RALGAPA2: variants seen among roughly 807,000 people sequenced by gnomAD.
RALGAPA2 encodes the protein Ral GTPase activating protein catalytic subunit alpha 2.
Under a neutral mutation model 230.4 loss-of-function variants are expected in RALGAPA2, and 139 were observed. The ratio of observed to expected loss-of-function variants is 0.60; its 90% CI spans 0.53 to 0.69. The LOEUF (loss-of-function observed/expected upper bound fraction) is 0.69. Ranked by LOEUF, RALGAPA2 falls within the 30% of genes least tolerant of loss-of-function variation. The pLI, the probability that RALGAPA2 is intolerant of heterozygous loss-of-function variation, is 0.00. For synonymous variants in RALGAPA2, 847 were observed against 837.8 expected (o/e 1.01, Z -0.19); for missense variants, 2,163 against 2,276.0 (o/e 0.95, Z 1.01).
intron 7 of RALGAPA2, 25 bp from the exon 8 acceptor site, chr20:20,637,526 C>A: frequency 6.6e-7 from 1 of 1,526,034 alleles, no homozygotes; most frequent in Non-Finnish European, 8.8e-7. Context: ...TGGAAAAGAA[C>A]ATATGTATAT....
Position 20,526,245 on chromosome 20 carries a change from G to T in RALGAPA2, c.3693+7C>A. The stretch of plus-strand genomic sequence containing the variant: ...TATGTTTTAGTATTACAGAAAAAAA[G>T]ACTTACTTCTGCCATTTTCCGAGGC... On this transcript the variant is annotated splice_region_variant and intron_variant, in intron 28 of 39. Coordinates refer to ENST00000202677, the MANE Select transcript of RALGAPA2 (RefSeq NM_020343.4). 1 of 1,543,802 alleles carries T rather than the reference G, an allele frequency of 6.5e-7. No individual in the cohort carries two copies.
chr20:20,513,301 A>G lies in RALGAPA2; in HGVS notation c.4085-17T>C. The G allele has an allele frequency of 7.0e-7, 1 of 1,433,712 alleles. No individual in the cohort carries two copies. Among genetic ancestry groups the G allele is most frequent in the South Asian group, 1.8e-5 (1 of 54,336 alleles). The allele number at this position is 1,433,712 out of a possible 1,614,324, so 88.8% of individuals were successfully genotyped here. A position where few individuals can be genotyped will look rare whatever the true frequency, so the allele number is the denominator to read the frequency against. On this transcript the variant is annotated splice_polypyrimidine_tract_variant and intron_variant, in intron 31 of 39. Coordinates refer to ENST00000202677, the MANE Select transcript of RALGAPA2 (RefSeq NM_020343.4). ...TCTTCTTCTCTGTAAACAGCGGTAA[A>G]GAAACATAAAGAGTCAGTGGTGAAT...
Position 20,392,624 on chromosome 20 carries a change from C to T in RALGAPA2, c.*665G>A, listed in dbSNP as rs530274419. ...GGAGAGCCTCTGCTTAGTTAGCGGG[C>T]GTCAGGTACCATGTGGGAAAACACT... On this transcript the variant is annotated 3_prime_UTR_variant, in exon 40 of 40. Coordinates refer to ENST00000202677, the MANE Select transcript of RALGAPA2 (RefSeq NM_020343.4). The T allele has an allele frequency of 8.8e-5, 14 of 159,778 alleles. No homozygotes were observed. The South Asian group carries it at 1.2e-3, about 14-fold the overall frequency. 9.9% of individuals were successfully genotyped at this position (159,778 alleles called of 1,614,324 possible).
chr20:20,582,013 C>T (rs2064999455), intron 20 of RALGAPA2, among the ~76,000 whole-genome samples: 1 of 152,176 alleles, frequency 6.6e-6, no homozygotes, highest in South Asian at 2.1e-4. Flanking sequence ...CTTTCCCGCA[C>T]TGATTCCTCA....
chr20:20,478,422 T>A (rs2123446736), intron 36 of RALGAPA2, among the ~76,000 whole-genome samples: 1 of 151,810 alleles, frequency 6.6e-6, no homozygotes, highest in Admixed American at 6.6e-5. Context: ...ATAAAAGTCA[T>A]CATTTAAAAA....
chr20:20,702,022 A>T, intron 1 of RALGAPA2, among the ~76,000 whole-genome samples: 1 of 150,712 alleles, frequency 6.6e-6, no homozygotes, highest in African/African-American at 2.5e-5. Context: ...CCTGGGCGAC[A>T]GAGCAAGACT....
chr20:20,452,172 A>G (rs2061002063), intron 37 of RALGAPA2, among the ~76,000 whole-genome samples: 1 of 152,224 alleles, frequency 6.6e-6, no homozygotes, highest in Admixed American at 6.5e-5. Context: ...TATAGAGAGG[A>G]AATAAACTTA....
chr20:20,702,841 A>AT (rs1229539631), intron 1 of RALGAPA2, among the ~76,000 whole-genome samples: 4 of 152,118 alleles, frequency 2.6e-5, no homozygotes, highest in Admixed American at 1.3e-4. Context: ...ATCAAAAGGG[A>AT]TTTTTTTAAC....
chr20:20,479,636 GT>G (rs1336198702), intron 36 of RALGAPA2, among the ~76,000 whole-genome samples: 2 of 152,192 alleles, frequency 1.3e-5, no homozygotes, highest in Admixed American at 1.3e-4. Context: ...TCCTTAATCT[GT>G]TCTAGAATAC....
At chr20:20,458,870 AT>A (rs1283928639) in intron 37 of RALGAPA2, among the ~76,000 whole-genome samples, 1 of 32,982 alleles carries the variant, frequency 3.0e-5, no homozygotes, top group African/African-American at 9.4e-5. Flanking sequence ...ATATATATAT[AT>A]ATATACACAC....
intron 15 of RALGAPA2, among the ~76,000 whole-genome samples, chr20:20,602,114 A>T (rs2065672467): frequency 6.6e-6 from 1 of 152,220 alleles, no homozygotes; most frequent in Admixed American, 6.5e-5. Context: ...CAATATACAA[A>T]AGAAAGTATT....
At chr20:20,692,836 C>T (rs2068963153) in intron 1 of RALGAPA2, among the ~76,000 whole-genome samples, 1 of 152,184 alleles carries the variant, frequency 6.6e-6, no homozygotes, top group Non-Finnish European at 1.5e-5. Flanking sequence ...CATCACCGAA[C>T]TCATGAATTA....
intron 16 of RALGAPA2, among the ~76,000 whole-genome samples, chr20:20,594,098 C>T (rs890862905): frequency 2.0e-5 from 3 of 152,094 alleles, no homozygotes; most frequent in Admixed American, 6.5e-5. Context: ...GTTGTAGGTG[C>T]CCTGAGCTAC....
chr20:20,642,489 G>T (rs1345100754), intron 5 of RALGAPA2, among the ~76,000 whole-genome samples: 6 of 152,142 alleles, frequency 3.9e-5, no homozygotes, highest in Admixed American at 3.9e-4. Context: ...GGGGTTACAG[G>T]CATGAGCCAC....
chr20:20,557,509 A>G (rs1008024442), intron 23 of RALGAPA2, among the ~76,000 whole-genome samples: 1 of 152,204 alleles, frequency 6.6e-6, no homozygotes, highest in Non-Finnish European at 1.5e-5. Flanking sequence ...TTAGAATATT[A>G]AAAAGAAACA....
intron 4 of RALGAPA2, among the ~76,000 whole-genome samples, chr20:20,644,196 G>C (rs2067134490): frequency 6.6e-6 from 1 of 152,080 alleles, no homozygotes; most frequent in Non-Finnish European, 1.5e-5. Flanking sequence ...ATCTTATGTA[G>C]CCTCTAAAAC....
chr20:20,496,358 G>A (rs979308465), intron 35 of RALGAPA2, among the ~76,000 whole-genome samples: 4 of 152,036 alleles, frequency 2.6e-5, no homozygotes, highest in South Asian at 2.1e-4. Flanking sequence ...AGCTGCACAC[G>A]AAATCATTTA....
At chr20:20,506,992 C>T (rs775329563) in intron 33 of RALGAPA2, among the ~76,000 whole-genome samples, 79 of 152,278 alleles carry the variant, frequency 5.2e-4, no homozygotes, top group Admixed American at 1.2e-3. Context: ...GCAGTTTCAA[C>T]GGATAAGCAA....
intron 33 of RALGAPA2, among the ~76,000 whole-genome samples, chr20:20,506,917 C>T (rs890879097): frequency 1.1e-4 from 17 of 151,952 alleles, no homozygotes; most frequent in Non-Finnish European, 2.2e-4. Flanking sequence ...GGTTTATATG[C>T]AATAAACATA....
Sources: gnomAD v4.1 joint callset for allele counts (sites outside exome capture counted in the v4.1 genomes callset) on GRCh38, gnomAD v4.1.1 for gene constraint, MANE v1.5 for transcripts, NCBI Gene and HGNC (gene_info 2026-07-23, HGNC 2026-07-21) for gene names.